Variants in UCHL3 observed in about 807,000 individuals in gnomAD.
The protein encoded by UCHL3 is ubiquitin carboxyl-terminal hydrolase isozyme L3.
Under a neutral mutation model 35.8 loss-of-function variants are expected in UCHL3, and 22 were observed. The observed-to-expected ratio is 0.61, with a 90% CI of 0.44 to 0.88. The LOEUF (loss-of-function observed/expected upper bound fraction) is 0.88. Among genes scored for constraint, UCHL3 ranks in the 40% least tolerant of loss-of-function variants. The pLI is 0.00. For synonymous variants in UCHL3, 90 were observed against 92.8 expected (o/e 0.97, Z 0.17); for missense variants, 229 against 276.9 (o/e 0.83, Z 1.23).
At chr13:75,570,388 A>G (rs1267661146) in intron 6 of UCHL3, among the ~76,000 whole-genome samples, 4 of 152,002 alleles carry the variant, frequency 2.6e-5, no homozygotes, top group African/African-American at 9.7e-5. Flanking sequence ...GGCGCCCGCC[A>G]CCATGCCTGG....
At chr13:75,592,452 A>ACGTATATACATATATATATATATATATG (rs2032527961) in intron 6 of UCHL3, among the ~76,000 whole-genome samples, 1 of 114,836 alleles carries the variant, frequency 8.7e-6, no homozygotes, top group African/African-American at 3.2e-5. Context: ...ATATATATAT[A>ACGTATATACATATATATATATATATATG]TATATATATA....
At chr13:75,604,990 C>T (rs1056463653) in intron 8 of UCHL3, 163 bp downstream of exon 8, 2 of 498,962 alleles carry the variant, frequency 4.0e-6, no homozygotes, top group Non-Finnish European at 6.5e-6. Flanking sequence ...TAAAAATCTA[C>T]AACAAATAAA....
intron 5 of UCHL3, among the ~76,000 whole-genome samples, chr13:75,568,099 T>C (rs181754699): frequency 2.0e-4 from 30 of 152,270 alleles, no homozygotes; most frequent in Admixed American, 3.9e-4. Flanking sequence ...ATTCAGATGA[T>C]AGTGATTTTA....
chr13:75,559,234 G>GTTTC (rs1419649536), intron 2 of UCHL3, among the ~76,000 whole-genome samples: 2 of 151,524 alleles, frequency 1.3e-5, no homozygotes, highest in Non-Finnish European at 2.9e-5. Flanking sequence ...TAGAGACGGG[G>GTTTC]TTTCACCGTA....
intron 6 of UCHL3, among the ~76,000 whole-genome samples, chr13:75,579,666 A>C (rs1406409813): frequency 2.0e-5 from 3 of 152,118 alleles, no homozygotes; most frequent in Non-Finnish European, 4.4e-5. Flanking sequence ...GAAAATTCTT[A>C]GACCGAACTT....
intron 7 of UCHL3, among the ~76,000 whole-genome samples, chr13:75,600,688 G>A (rs977257505): frequency 3.3e-5 from 5 of 152,176 alleles, no homozygotes; most frequent in African/African-American, 7.2e-5. Flanking sequence ...CAAGAAGTCC[G>A]ATATAGATAT....
chr13:75,577,191 A>G (rs548120106), intron 6 of UCHL3, among the ~76,000 whole-genome samples: 2 of 152,300 alleles, frequency 1.3e-5, no homozygotes, highest in African/African-American at 4.8e-5. Context: ...TCAAGACTGC[A>G]GTGAGCTGTG....
intron 7 of UCHL3, among the ~76,000 whole-genome samples, chr13:75,597,760 A>T (rs1010043294): frequency 9.2e-5 from 14 of 152,174 alleles, no homozygotes; most frequent in African/African-American, 2.9e-4. Context: ...CTTTATTTTT[A>T]AAAATAAGGC....
chr13:75,577,573 A>C (rs1479205900), intron 6 of UCHL3, among the ~76,000 whole-genome samples: 1 of 152,206 alleles, frequency 6.6e-6, no homozygotes, highest in Non-Finnish European at 1.5e-5. Context: ...GACCTTTCTG[A>C]ATAACTGTAG....
At chr13:75,551,471 T>C (rs1318308674) in intron 2 of UCHL3, among the ~76,000 whole-genome samples, 1 of 151,478 alleles carries the variant, frequency 6.6e-6, no homozygotes, top group African/African-American at 2.4e-5. Flanking sequence ...CATTTTATGC[T>C]AGCATTATCC....
At chr13:75,600,015 G>A (rs371066641) in intron 7 of UCHL3, among the ~76,000 whole-genome samples, 255 of 152,334 alleles carry the variant, frequency 1.7e-3, no homozygotes, top group African/African-American at 5.5e-3. Context: ...CAGTATTATT[G>A]CTGATATGGA....
chr13:75,593,863 C>G (rs1178152337), intron 6 of UCHL3, among the ~76,000 whole-genome samples: 1 of 152,126 alleles, frequency 6.6e-6, no homozygotes, highest in Non-Finnish European at 1.5e-5. Flanking sequence ...ATTACAACTA[C>G]TTGAAAATAT....
Position 75,603,693 on chromosome 13 carries a change from T to C in UCHL3, c.551-1076T>C, listed in dbSNP as rs9600501. ...ACAAAAGGATATTTTAAGAAGACAT[T>C]TTATGATATATTATTGAGAAATATA... On this transcript the variant is annotated intron_variant, in intron 7 of 8. Transcript: ENST00000377595. Among the ~76,000 whole-genome samples, 939 of 151,776 alleles carry C rather than the reference T, an allele frequency of 6.2e-3. 7 individuals carry two copies. Among genetic ancestry groups the C allele is most frequent in the African/African-American group, 0.02 (846 of 41,488 alleles).
At chr13:75,576,269 T>G (rs6562910) in intron 6 of UCHL3, among the ~76,000 whole-genome samples, 16,741 of 151,606 alleles carry the variant, frequency 0.11, 1,174 homozygotes, top group Non-Finnish European at 0.16. Context: ...TCGCTCTGTC[T>G]CCCAGGCTGG....
intron 6 of UCHL3, among the ~76,000 whole-genome samples, chr13:75,573,807 G>A (rs972269341): frequency 6.6e-6 from 1 of 152,144 alleles, no homozygotes; most frequent in Admixed American, 6.5e-5. Flanking sequence ...TGGCAGGGGG[G>A]ACACAATTCA....
At chr13:75,576,987 T>C (rs1483160182) in intron 6 of UCHL3, among the ~76,000 whole-genome samples, 1 of 152,178 alleles carries the variant, frequency 6.6e-6, no homozygotes, top group Non-Finnish European at 1.5e-5. Context: ...TGGTAGCTCA[T>C]GCCAGTAATG....
chr13:75,585,489 G>C (rs1249848337), intron 6 of UCHL3, among the ~76,000 whole-genome samples: 4 of 152,042 alleles, frequency 2.6e-5, no homozygotes, highest in African/African-American at 9.7e-5. Context: ...GCTCATACCA[G>C]CTTACTTACA....
At chr13:75,592,333 C>T (rs1355785997) in intron 6 of UCHL3, among the ~76,000 whole-genome samples, 1 of 146,734 alleles carries the variant, frequency 6.8e-6, no homozygotes, top group Non-Finnish European at 1.5e-5. Context: ...AGTCATACTA[C>T]ATCTATGAAG....
At chr13:75,597,680 A>C (rs1049282771) in intron 7 of UCHL3, among the ~76,000 whole-genome samples, 11 of 152,178 alleles carry the variant, frequency 7.2e-5, no homozygotes, top group African/African-American at 2.7e-4. Context: ...TGAACATCTC[A>C]AAATTTTGGT....
Sources: gnomAD v4.1 joint callset for allele counts (sites outside exome capture counted in the v4.1 genomes callset) on GRCh38, gnomAD v4.1.1 for gene constraint, MANE v1.5 for transcripts, NCBI Gene and HGNC (gene_info 2026-07-23, HGNC 2026-07-21) for gene names.